Variants in CDKAL1 observed in about 807,000 individuals in gnomAD.
The protein encoded by CDKAL1 is CDKAL1 threonylcarbamoyladenosine tRNA methylthiotransferase.
CDKAL1 carries 32 observed loss-of-function variants against 68.2 expected under a neutral mutation model. The observed-to-expected ratio is 0.47, with a 90% CI of 0.35 to 0.63. The LOEUF is 0.63. Ranked by LOEUF, CDKAL1 falls within the 30% of genes least tolerant of loss-of-function variation. The probability of loss-of-function intolerance (pLI) is 0.00; values close to 1 mark genes in which losing one functional copy is unlikely to be tolerated. For synonymous variants in CDKAL1, 234 were observed against 244.3 expected, an observed-to-expected ratio of 0.96 and a Z score of 0.39; for missense variants, 606 against 696.7, an observed-to-expected ratio of 0.87 and a Z score of 1.47.
intron 4 of CDKAL1, among the ~76,000 whole-genome samples, chr6:20,592,944 T>C (rs545892733): frequency 6.6e-6 from 1 of 152,316 alleles, no homozygotes; most frequent in African/African-American, 2.4e-5. Flanking sequence ...TTTTTGTCAT[T>C]GGTTCTGTTT....
chr6:20,875,802 A>G (rs1428485510), intron 9 of CDKAL1, among the ~76,000 whole-genome samples: 1 of 152,216 alleles, frequency 6.6e-6, no homozygotes, highest in Non-Finnish European at 1.5e-5. Flanking sequence ...CTCATATATA[A>G]TAGATCTATT....
At position 20,855,829 on chromosome 6, in the gene CDKAL1, T is replaced by A. The variant is rs540026313; in HGVS notation, c.742+9651T>A. Among the ~76,000 whole-genome samples the A allele has an allele frequency of 9.5e-4, 144 of 152,326 alleles. 1 individual carries two copies. The Middle Eastern group carries it at 0.017, about 18-fold the overall frequency. On this transcript the variant is annotated intron_variant, in intron 9 of 15. Coordinates refer to ENST00000274695, the MANE Select transcript of CDKAL1 (RefSeq NM_017774.3). ...ACATCCATGGGAATACTTTTAAAAA[T>A]TTTTTTAGCTGATTCAGAAAGCGAT...
chr6:20,820,809 G>A (rs989310459), intron 8 of CDKAL1, among the ~76,000 whole-genome samples: 9 of 152,108 alleles, frequency 5.9e-5, no homozygotes, highest in African/African-American at 2.2e-4. Flanking sequence ...GGATATTGTG[G>A]TAGGGATAAA....
intron 11 of CDKAL1, among the ~76,000 whole-genome samples, chr6:21,017,107 A>G (rs974682533): frequency 2.0e-5 from 3 of 152,132 alleles, no homozygotes; most frequent in Non-Finnish European, 4.4e-5. Context: ...TACATAGACA[A>G]TCTCCTTATA....
chr6:20,577,804 A>T lies in CDKAL1; in HGVS notation c.286+29099A>T, dbSNP rs12207923. On this transcript the variant is annotated intron_variant, in intron 4 of 15. Transcript: ENST00000274695. ...TCACACAGCTGCTGGTCTATTTAAT[A>T]AAAACATTGCTGTTTTGATTGGGTA... Among the ~76,000 whole-genome samples the T allele has an allele frequency of 3.7e-3, 556 of 152,264 alleles. 8 individuals carry two copies. The highest frequency in any genetic ancestry group is 9.8e-4 in the Non-Finnish European group (67 of 68,028).
In CDKAL1 at chr6:20,600,789, C is replaced by CATATATATATATATATATATATAT. The variant is rs58795499; in HGVS notation, c.287-48503_287-48502insTATATATATATATATATATATATA. Among the ~76,000 whole-genome samples, 509 of 130,262 alleles carry CATATATATATATATATATATATAT rather than the reference C, an allele frequency of 3.9e-3. 4 individuals carry two copies. The highest frequency in any genetic ancestry group is 0.01 in the East Asian group (42 of 4,124). The allele number at this position is 130,262 out of a possible 152,430, so 85.5% of individuals were successfully genotyped here. On this transcript the variant is annotated intron_variant, in intron 4 of 15. Coordinates refer to ENST00000274695, the MANE Select transcript of CDKAL1 (RefSeq NM_017774.3). ...ATGTATACATATATATATATATATA[C>CATATATATATATATATATATATAT]ACACACACACATGAATGATAAATTA...
At chr6:20,882,975 T>C (rs1164632743) in intron 9 of CDKAL1, among the ~76,000 whole-genome samples, 1 of 152,228 alleles carries the variant, frequency 6.6e-6, no homozygotes, top group Non-Finnish European at 1.5e-5. Flanking sequence ...GAATTAGTCT[T>C]TCTTCAGCAC....
chr6:21,172,350 T>G (rs913306639), intron 13 of CDKAL1, among the ~76,000 whole-genome samples: 3 of 152,206 alleles, frequency 2.0e-5, no homozygotes. Context: ...GGTTTTCCAG[T>G]CATAGTCATG....
intron 13 of CDKAL1, among the ~76,000 whole-genome samples, chr6:21,178,619 T>G (rs1229424127): frequency 6.6e-6 from 1 of 152,194 alleles, no homozygotes; most frequent in Non-Finnish European, 1.5e-5. Context: ...CAGGTTAATT[T>G]GATTGAAAAT....
At position 20,662,874 on chromosome 6, in the gene CDKAL1, GA is replaced by G. The variant is rs1423607780; in HGVS notation, c.371+13501del. Among the ~76,000 whole-genome samples, 4 of 152,104 alleles carry G rather than the reference GA, an allele frequency of 2.6e-5. No homozygotes were observed. The East Asian group carries it at 5.8e-4, about 22-fold the overall frequency. On this transcript the variant is annotated intron_variant, in intron 5 of 15. Coordinates refer to ENST00000274695, the MANE Select transcript of CDKAL1 (RefSeq NM_017774.3). ...AACTTGAGGTTATCTGCATGTCATA[GA>G]AAACCTAAAAAGTAGAGGCTTACAT...
chr6:20,832,997 C>T (rs1777780175), intron 8 of CDKAL1, among the ~76,000 whole-genome samples: 1 of 152,130 alleles, frequency 6.6e-6, no homozygotes, highest in Admixed American at 6.6e-5. Context: ...GCAGTATTTT[C>T]CCCAGAATTC....
intron 4 of CDKAL1, among the ~76,000 whole-genome samples, chr6:20,613,203 T>C (rs1047213989): frequency 6.7e-6 from 1 of 150,254 alleles, no homozygotes; most frequent in African/African-American, 2.4e-5. Flanking sequence ...GCAGCTAATA[T>C]ATGATTTGGT....
At chr6:20,950,724 G>A (rs903263892) in intron 9 of CDKAL1, among the ~76,000 whole-genome samples, 7 of 152,046 alleles carry the variant, frequency 4.6e-5, no homozygotes, top group Non-Finnish European at 1.0e-4. Context: ...CCAGCACTTC[G>A]GGAGGCTGAG....
chr6:21,030,171 C>T (rs1035094179), intron 11 of CDKAL1, among the ~76,000 whole-genome samples: 1 of 152,186 alleles, frequency 6.6e-6, no homozygotes, highest in Middle Eastern at 3.2e-3. Context: ...AGATCATGTT[C>T]TTTGCAGCGA....
At chr6:20,559,541 G>T (rs1764188859) in intron 4 of CDKAL1, 1 of 152,076 alleles carries the variant, frequency 6.6e-6, no homozygotes, top group African/African-American at 2.4e-5. Flanking sequence ...TTTTCATCCT[G>T]TTCAACCTTT....
At chr6:21,206,128 A>C (rs1200483176) in intron 15 of CDKAL1, among the ~76,000 whole-genome samples, 1 of 152,014 alleles carries the variant, frequency 6.6e-6, no homozygotes, top group East Asian at 1.9e-4. Context: ...ACCACACCGG[A>C]CCAGTCAAGC....
intron 8 of CDKAL1, among the ~76,000 whole-genome samples, chr6:20,785,522 A>G (rs1775635174): frequency 6.6e-6 from 1 of 151,956 alleles, no homozygotes; most frequent in South Asian, 2.1e-4. Flanking sequence ...TATATTGGCC[A>G]GGCTGGTCTC....
chr6:20,640,152 T>C (rs1768104244), intron 4 of CDKAL1, among the ~76,000 whole-genome samples: 1 of 151,286 alleles, frequency 6.6e-6, no homozygotes, highest in Non-Finnish European at 1.5e-5. Flanking sequence ...TGACTTGTCT[T>C]CCAGAGTTCT....
At chr6:20,920,816 A>G (rs2150648525) in intron 9 of CDKAL1, among the ~76,000 whole-genome samples, 1 of 152,298 alleles carries the variant, frequency 6.6e-6, no homozygotes, top group South Asian at 2.1e-4. Flanking sequence ...GCATATTGAA[A>G]CATTCACTTA....
Sources: gnomAD v4.1 joint callset for allele counts (sites outside exome capture counted in the v4.1 genomes callset) on GRCh38, gnomAD v4.1.1 for gene constraint, MANE v1.5 for transcripts, NCBI Gene and HGNC (gene_info 2026-07-23, HGNC 2026-07-21) for gene names.